Variants in CLIP4 observed in about 807,000 individuals in gnomAD.
CLIP4 encodes the protein CAP-Gly domain containing linker protein family member 4, also known as CAP-Gly domain-containing linker protein 4.
Under a neutral mutation model 73.1 loss-of-function variants are expected in CLIP4, and 47 were observed. That is an observed-to-expected ratio of 0.64 (90% confidence interval 0.51 to 0.82). The LOEUF (loss-of-function observed/expected upper bound fraction) is 0.82. Ranked by LOEUF, CLIP4 falls within the 40% of genes least tolerant of loss-of-function variation. The probability of loss-of-function intolerance (pLI) is 0.00; values close to 1 mark genes in which losing one functional copy is unlikely to be tolerated. For synonymous variants in CLIP4, 306 were observed against 295.4 expected, an observed-to-expected ratio of 1.04 and a Z score of -0.37; for missense variants, 874 against 852.9, an observed-to-expected ratio of 1.02 and a Z score of -0.31.
In CLIP4 at chr2:29,143,860, C is replaced by CAAATTA; in HGVS notation, c.801_806dup (p.Asn268_Tyr269insTer). On this transcript the variant is annotated stop_gained and inframe_insertion, in exon 7 of 16. Transcript: ENST00000320081. LOFTEE classifies it high-confidence loss of function. ...TGTAACATCTCAAAGGCCATGCTCCCAAATTATGATCATGTCACTGGCAAG... is the reference window on the plus strand; with the variant it reads ...TGTAACATCTCAAAGGCCATGCTCCCAAATTAAAATTATGATCATGTCACTGGCAAG... 6.2e-7 allele frequency: 1 copy of CAAATTA among 1,614,160 alleles called. No homozygotes were observed. The highest frequency in any genetic ancestry group is 8.5e-7 in the Non-Finnish European group (1 of 1,180,012).
chr2:29,140,754 A>T (rs9751196), intron 6 of CLIP4, among the ~76,000 whole-genome samples: 28,783 of 151,912 alleles, frequency 0.19, 2,960 homozygotes, highest in Middle Eastern at 0.29. Context: ...GTTTCCTGAC[A>T]TTTTAATGAT....
At chr2:29,175,815 G>A (rs1052808482) in intron 15 of CLIP4, among the ~76,000 whole-genome samples, 8 of 152,090 alleles carry the variant, frequency 5.3e-5, no homozygotes, top group Admixed American at 4.6e-4. Flanking sequence ...AGGCTGGAGT[G>A]CAGTGGCGTG....
At position 29,181,783 on chromosome 2, in the gene CLIP4, G is replaced by T; in HGVS notation, c.2008G>T (p.Gly670Cys). ...CAAGGGAAAAAATGATGGGTCAGTG[G>T]GTGACAAGCGCTATTTCACCTGTAA... ...SAKGKNDGSV[G>C]DKRYFTCKPN... The change falls in exon 16 of 16, where the codon GGT (glycine) becomes TGT (cysteine). Residue 670 changes from glycine to cysteine, a missense_variant. Physicochemically the swap from Gly to Cys is radical, Grantham distance 159. Coordinates refer to ENST00000320081, the MANE Select transcript of CLIP4 (RefSeq NM_024692.6). 3.1e-6 allele frequency: 5 copies of T among 1,614,146 alleles called. No individual in the cohort carries two copies. Among genetic ancestry groups the T allele is most frequent in the Non-Finnish European group, 4.2e-6 (5 of 1,180,028 alleles).
intron 6 of CLIP4, among the ~76,000 whole-genome samples, chr2:29,141,156 A>G (rs1190102491): frequency 2.6e-5 from 4 of 152,014 alleles, no homozygotes; most frequent in Non-Finnish European, 5.9e-5. Context: ...TCTTCTTGGT[A>G]TTGATTTCTA....
chr2:29,100,019 A>G (rs1667994672), intron 1 of CLIP4, among the ~76,000 whole-genome samples: 1 of 152,222 alleles, frequency 6.6e-6, no homozygotes, highest in Non-Finnish European at 1.5e-5. Context: ...AAAGCAATTG[A>G]CTTAAAATTT....
intron 2 of CLIP4, among the ~76,000 whole-genome samples, chr2:29,122,485 A>G (rs1479723868): frequency 2.0e-5 from 3 of 151,876 alleles, no homozygotes; most frequent in Admixed American, 2.0e-4. Flanking sequence ...TTTCTTTCCT[A>G]TATTGTAGCG....
chr2:29,130,018 C>A (rs866329962), intron 2 of CLIP4: 1 of 471,074 alleles, frequency 2.1e-6, no homozygotes, highest in East Asian at 7.0e-5. Flanking sequence ...CACCCTTCCC[C>A]CTTTTGAACA....
chr2:29,149,559 A>G (rs1461998962), intron 8 of CLIP4, among the ~76,000 whole-genome samples: 1 of 151,960 alleles, frequency 6.6e-6, no homozygotes, highest in Non-Finnish European at 1.5e-5. Context: ...CAAATAATTC[A>G]TCATGTGTTT....
chr2:29,181,886 AT>A lies in CLIP4; in HGVS notation c.2113del (p.Cys705ValfsTer7), dbSNP rs2148127622. ...GINGSKLVDE[N>X]C The stretch of plus-strand genomic sequence containing the variant: ...AATGGGTCAAAACTTGTGGATGAGA[AT>A]TGTTAAGCTTCTAAAATATTAAATA... On this transcript the variant is annotated frameshift_variant, in exon 16 of 16. Coordinates refer to ENST00000320081, the MANE Select transcript of CLIP4 (RefSeq NM_024692.6). LOFTEE classifies it high-confidence loss of function. The A allele has an allele frequency of 3.1e-6, 5 of 1,599,778 alleles. No homozygotes were observed. The East Asian group carries it at 1.1e-4, about 36-fold the overall frequency.
chr2:29,108,074 C>G (rs759436283), intron 1 of CLIP4, among the ~76,000 whole-genome samples: 13 of 151,932 alleles, frequency 8.6e-5, no homozygotes, highest in Non-Finnish European at 1.5e-4. Context: ...ACAGTAGTTC[C>G]CCACCTCTTT....
chr2:29,125,465 C>T (rs1408411488), intron 2 of CLIP4, among the ~76,000 whole-genome samples: 2 of 152,098 alleles, frequency 1.3e-5, no homozygotes, highest in South Asian at 2.1e-4. Flanking sequence ...GACCTCTGGC[C>T]GCCTCAAGTT....
chr2:29,153,745 G>C (rs1385344307), intron 9 of CLIP4, among the ~76,000 whole-genome samples: 3 of 152,150 alleles, frequency 2.0e-5, no homozygotes, highest in African/African-American at 7.2e-5. Context: ...CCAAGAATTA[G>C]GCTGGCCTTT....
At chr2:29,147,059 C>T (rs920809113) in intron 8 of CLIP4, among the ~76,000 whole-genome samples, 2 of 152,050 alleles carry the variant, frequency 1.3e-5, no homozygotes, top group African/African-American at 2.4e-5. Context: ...AAAAATTCTG[C>T]ATTTTTATTT....
chr2:29,144,643 C>T (rs910081383), intron 7 of CLIP4, among the ~76,000 whole-genome samples: 21 of 151,994 alleles, frequency 1.4e-4, no homozygotes, highest in Admixed American at 7.2e-4. Context: ...CCCATCAACC[C>T]GTCATCTACA....
intron 1 of CLIP4, among the ~76,000 whole-genome samples, chr2:29,119,870 C>T (rs1664137683): frequency 6.6e-6 from 1 of 152,138 alleles, no homozygotes. Context: ...GGAGCAGATC[C>T]CATTCTGCCT....
chr2:29,135,120 A>G (rs1222808433), intron 5 of CLIP4, among the ~76,000 whole-genome samples: 1 of 152,142 alleles, frequency 6.6e-6, no homozygotes, highest in African/African-American at 2.4e-5. Flanking sequence ...ATAAAACTTT[A>G]TAAAAACAGG....
chr2:29,174,234 G>A (rs1668188415), intron 14 of CLIP4, 139 bp from the exon 15 acceptor site: 3 of 749,818 alleles, frequency 4.0e-6, no homozygotes, highest in Non-Finnish European at 6.4e-6. Flanking sequence ...TTACAGGTGT[G>A]AGCCACCATG....
intron 6 of CLIP4, among the ~76,000 whole-genome samples, chr2:29,140,650 G>A (rs1665699276): frequency 2.6e-5 from 4 of 152,194 alleles, no homozygotes; most frequent in South Asian, 4.2e-4. Flanking sequence ...CTGAGGAATC[G>A]CCACACTGAC....
At chr2:29,169,094 C>G (rs943097668) in intron 14 of CLIP4, among the ~76,000 whole-genome samples, 4 of 151,838 alleles carry the variant, frequency 2.6e-5, no homozygotes, top group Admixed American at 2.0e-4. Flanking sequence ...TTGAAATTCC[C>G]TAGTGTTTTA....
Sources: allele counts gnomAD v4.1 joint callset (sites outside exome capture counted in the v4.1 genomes callset), GRCh38; gene constraint gnomAD v4.1.1; transcripts MANE v1.5; gene names NCBI Gene and HGNC (gene_info 2026-07-23, HGNC 2026-07-21).